Variants in EYS observed in about 807,000 individuals in gnomAD.
EYS encodes the protein EGF-like photoreceptor maintenance factor.
Under a neutral mutation model 282.1 loss-of-function variants are expected in EYS, and 250 were observed. The observed-to-expected ratio is 0.89, with a 90% CI of 0.80 to 0.98. The LOEUF (loss-of-function observed/expected upper bound fraction) is 0.98, where lower values mean the gene tolerates loss of function less well. EYS is among the 50% of genes least tolerant of loss of function. The pLI is 0.00. For missense variants in EYS, 4,016 were observed against 3,709.0 expected, an observed-to-expected ratio of 1.08 and a Z score of -2.15; for synonymous variants, 1,355 against 1,282.9, an observed-to-expected ratio of 1.06 and a Z score of -1.20.
rs558122110 is a variant in EYS at position 63,837,269 on chromosome 6, T to TA, written c.7228+26916dup. Among the ~76,000 whole-genome samples, 16 of 152,218 alleles carry TA rather than the reference T, an allele frequency of 1.1e-4. 1 individual carries two copies. In the South Asian group the frequency reaches 3.3e-3, roughly 32 times the overall value. Reference sequence around the variant, plus strand: ...CCTTCTAGAGCACCCTGGTTAAAATTAAAAACAGTTTGCAAATTGATGGGG... The same window carrying TA: ...CCTTCTAGAGCACCCTGGTTAAAATTAAAAAACAGTTTGCAAATTGATGGGG... On this transcript the variant is annotated intron_variant, in intron 36 of 42. Coordinates refer to ENST00000503581, the MANE Select transcript of EYS (RefSeq NM_001142800.2).
At chr6:63,732,215 C>T (rs1768799707) in intron 41 of EYS, among the ~76,000 whole-genome samples, 1 of 152,088 alleles carries the variant, frequency 6.6e-6, no homozygotes, top group South Asian at 2.1e-4. Flanking sequence ...GTAAATGTCA[C>T]TGAACTAAAC....
intron 35 of EYS, among the ~76,000 whole-genome samples, chr6:63,885,273 G>C (rs531267813): frequency 6.6e-6 from 1 of 152,308 alleles, no homozygotes; most frequent in South Asian, 2.1e-4. Flanking sequence ...TCTGGGTTGA[G>C]ATGCTGGATG....
intron 26 of EYS, among the ~76,000 whole-genome samples, chr6:64,468,928 T>G (rs1776021338): frequency 6.6e-6 from 1 of 152,218 alleles, no homozygotes; most frequent in Non-Finnish European, 1.5e-5. Flanking sequence ...ATTTATTCTA[T>G]GTCTTTGCTA....
At chr6:63,918,111 C>T (rs1764472196) in intron 35 of EYS, among the ~76,000 whole-genome samples, 1 of 152,118 alleles carries the variant, frequency 6.6e-6, no homozygotes, top group African/African-American at 2.4e-5. Context: ...ATAATATTGG[C>T]AACTAAGTGC....
At chr6:64,961,117 T>C (rs1419713478) in intron 14 of EYS, among the ~76,000 whole-genome samples, 1 of 152,194 alleles carries the variant, frequency 6.6e-6, no homozygotes, top group Non-Finnish European at 1.5e-5. Context: ...TGAATATATG[T>C]GTGCATGTGC....
intron 19 of EYS, among the ~76,000 whole-genome samples, chr6:64,857,385 C>T (rs191784556): frequency 2.4e-3 from 360 of 152,176 alleles, no homozygotes; most frequent in Non-Finnish European, 3.8e-3. Flanking sequence ...TGGCCTATTT[C>T]GTTTAGTTCT....
chr6:64,487,582 A>T (rs930019630), intron 26 of EYS, among the ~76,000 whole-genome samples: 1 of 151,030 alleles, frequency 6.6e-6, no homozygotes, highest in Non-Finnish European at 1.5e-5. Context: ...AAAAGAAGAT[A>T]AAAAGCTGAT....
At chr6:65,693,466 G>T (rs73742037) in intron 1 of EYS, among the ~76,000 whole-genome samples, 2,178 of 138,556 alleles carry the variant, frequency 0.016, 91 homozygotes, top group African/African-American at 0.055. Flanking sequence ...ACCAGTGGTG[G>T]TTTATAAAAT....
At chr6:64,246,761 T>C (rs1325726827) in intron 30 of EYS, among the ~76,000 whole-genome samples, 1 of 152,182 alleles carries the variant, frequency 6.6e-6, no homozygotes, top group African/African-American at 2.4e-5. Flanking sequence ...ATAAGGCATT[T>C]AAAAACAAAC....
At chr6:64,122,055 C>A (rs1465946259) in intron 31 of EYS, among the ~76,000 whole-genome samples, 1 of 151,954 alleles carries the variant, frequency 6.6e-6, no homozygotes, top group African/African-American at 2.4e-5. Flanking sequence ...TTGGGGGTAG[C>A]ACCTTTTTTT....
intron 12 of EYS, among the ~76,000 whole-genome samples, chr6:65,266,203 T>G (rs1486094605): frequency 6.6e-6 from 1 of 151,938 alleles, no homozygotes; most frequent in Non-Finnish European, 1.5e-5. Flanking sequence ...TATGATATTC[T>G]TTACTATTCA....
chr6:64,752,172 A>C (rs1227507559), intron 22 of EYS, among the ~76,000 whole-genome samples: 1 of 152,114 alleles, frequency 6.6e-6, no homozygotes, highest in Non-Finnish European at 1.5e-5. Context: ...TTTTTGAAAT[A>C]CCAGATAAAT....
chr6:64,051,291 T>G (rs963112290), intron 33 of EYS, among the ~76,000 whole-genome samples: 1 of 152,206 alleles, frequency 6.6e-6, no homozygotes, highest in Non-Finnish European at 1.5e-5. Flanking sequence ...ATTTCATGAT[T>G]AGGAAATTGT....
At chr6:65,498,554 C>T (rs1028746950) in intron 2 of EYS, among the ~76,000 whole-genome samples, 8 of 151,968 alleles carry the variant, frequency 5.3e-5, no homozygotes, top group Admixed American at 3.9e-4. Context: ...TCTTAGAGCA[C>T]GCTGGGTCTC....
intron 26 of EYS, among the ~76,000 whole-genome samples, chr6:64,562,375 T>C (rs62415796): frequency 0.098 from 14,870 of 151,942 alleles, 905 homozygotes; most frequent in East Asian, 0.15. Flanking sequence ...CAGTGGAAAG[T>C]ACATTTTTAA....
At chr6:65,257,832 G>A (rs1397277998) in intron 12 of EYS, among the ~76,000 whole-genome samples, 1 of 152,076 alleles carries the variant, frequency 6.6e-6, no homozygotes, top group Middle Eastern at 3.4e-3. Flanking sequence ...TAGAATGATG[G>A]TTACTAGAGG....
At chr6:65,017,531 G>A (rs1000177731) in intron 13 of EYS, among the ~76,000 whole-genome samples, 5 of 152,094 alleles carry the variant, frequency 3.3e-5, no homozygotes, top group African/African-American at 7.2e-5. Flanking sequence ...AGTAATTAAA[G>A]TGAGAGTCAA....
At chr6:64,035,978 G>A (rs1412955206) in intron 33 of EYS, among the ~76,000 whole-genome samples, 1 of 152,162 alleles carries the variant, frequency 6.6e-6, no homozygotes, top group Non-Finnish European at 1.5e-5. Flanking sequence ...ATTAGTTTGT[G>A]TTAGTACTAA....
In EYS at chr6:65,181,631, G is replaced by A. The variant is rs841522; in HGVS notation, c.2023+114232C>T. On this transcript the variant is annotated intron_variant, in intron 12 of 42. Coordinates refer to ENST00000503581, the MANE Select transcript of EYS (RefSeq NM_001142800.2). ...GGTGGGACTGTAAACTAGTTCAACC[G>A]TTGTGGAAATCAGTGTGGCGATTCC... Among the ~76,000 whole-genome samples the A allele has an allele frequency of 9.2e-3, 1,394 of 152,164 alleles. 15 individuals are homozygous for A. Among genetic ancestry groups the A allele is most frequent in the African/African-American group, 0.031 (1,297 of 41,550 alleles).
Sources: gnomAD v4.1 joint callset for allele counts (sites outside exome capture counted in the v4.1 genomes callset) on GRCh38, gnomAD v4.1.1 for gene constraint, MANE v1.5 for transcripts, NCBI Gene and HGNC (gene_info 2026-07-23, HGNC 2026-07-21) for gene names.